The following PDE8A variants were observed in gnomAD, a reference collection of about 807,000 sequenced individuals.
PDE8A encodes the protein high affinity cAMP-specific and IBMX-insensitive 3',5'-cyclic phosphodiesterase 8A.
PDE8A carries 59 observed loss-of-function variants against 105.0 expected under a neutral mutation model. The ratio of observed to expected loss-of-function variants is 0.56; its 90% CI spans 0.46 to 0.70. The LOEUF (loss-of-function observed/expected upper bound fraction) is 0.70. Ranked by LOEUF, PDE8A falls within the 30% of genes least tolerant of loss-of-function variation. The pLI is 0.00. For missense variants in PDE8A, 1,014 were observed against 1,045.9 expected (o/e 0.97, Z 0.42); for synonymous variants, 355 against 371.9 (o/e 0.95, Z 0.52).
chr15:85,029,604 A>G (rs1038401494), intron 1 of PDE8A, among the ~76,000 whole-genome samples: 8 of 152,148 alleles, frequency 5.3e-5, no homozygotes, highest in African/African-American at 1.7e-4. Context: ...ATTTGTATAT[A>G]TGTGGCGCTG....
chr15:85,117,810 G>A lies in PDE8A; in HGVS notation c.1705G>A (p.Ala569Thr). ...TTCTGCTGATGTGCTTCATGCCACT[G>A]CCTATTTTCTCTCCAAGGAGAGGAT... ...THSADVLHAT[A>T]YFLSKERIKE... The change falls in exon 17 of 22, where the codon GCC (alanine) becomes ACC (threonine). Residue 569 changes from alanine (A) to threonine (T), a missense_variant. Physicochemically the swap from Ala to Thr is moderately conservative, Grantham distance 58. Transcript: ENST00000394553. 6.2e-7 allele frequency: 1 copy of A among 1,613,928 alleles called. No individual in the cohort carries two copies. Among genetic ancestry groups the A allele is most frequent in the Non-Finnish European group, 8.5e-7 (1 of 1,179,842 alleles).
intron 3 of PDE8A, among the ~76,000 whole-genome samples, chr15:85,068,003 GC>G (rs2141461787): frequency 6.6e-6 from 1 of 151,822 alleles, no homozygotes; most frequent in East Asian, 1.9e-4. Flanking sequence ...GTTTCAATCT[GC>G]ATGACTTCAC....
chr15:85,129,907 C>T (rs2082307337), intron 20 of PDE8A, among the ~76,000 whole-genome samples: 1 of 152,122 alleles, frequency 6.6e-6, no homozygotes, highest in African/African-American at 2.4e-5. Context: ...TTTCTAATTT[C>T]CCTTATGATT....
intron 1 of PDE8A, among the ~76,000 whole-genome samples, chr15:84,998,888 A>T (rs371662519): frequency 6.6e-6 from 1 of 152,210 alleles, no homozygotes; most frequent in Non-Finnish European, 1.5e-5. Flanking sequence ...TATGGAGATA[A>T]TTGATAGTTG....
At chr15:85,080,843 T>C (rs953759630) in intron 5 of PDE8A, among the ~76,000 whole-genome samples, 1 of 152,144 alleles carries the variant, frequency 6.6e-6, no homozygotes, top group Non-Finnish European at 1.5e-5. Context: ...TGGAACCACT[T>C]TTAGGTGCAC....
At chr15:85,046,857 C>T (rs761196231) in intron 1 of PDE8A, among the ~76,000 whole-genome samples, 9 of 152,134 alleles carry the variant, frequency 5.9e-5, no homozygotes, top group African/African-American at 1.2e-4. Flanking sequence ...GTTAGGCAAA[C>T]GAAATCAAAA....
chr15:85,062,697 A>G (rs1293709411), intron 1 of PDE8A: 1 of 152,220 alleles, frequency 6.6e-6, no homozygotes, highest in Non-Finnish European at 1.5e-5. Flanking sequence ...GCTGCCCACC[A>G]TGGGCCTGGG....
At chr15:85,108,810 C>T (rs905003924) in intron 11 of PDE8A, among the ~76,000 whole-genome samples, 1 of 152,072 alleles carries the variant, frequency 6.6e-6, no homozygotes, top group Admixed American at 6.5e-5. Context: ...TGTCTTGGGA[C>T]TCTGTAATTA....
intron 6 of PDE8A, among the ~76,000 whole-genome samples, chr15:85,086,674 C>A (rs1214056024): frequency 6.6e-6 from 1 of 152,188 alleles, no homozygotes; most frequent in Non-Finnish European, 1.5e-5. Flanking sequence ...CCCAGTAGGG[C>A]TTCTCACAGA....
chr15:85,001,410 A>C (rs2080065927), intron 1 of PDE8A, among the ~76,000 whole-genome samples: 1 of 152,212 alleles, frequency 6.6e-6, no homozygotes, highest in African/African-American at 2.4e-5. Context: ...GATATGATAA[A>C]GGGTTCCAAC....
At chr15:85,065,832 T>G (rs1264185763) in intron 2 of PDE8A, among the ~76,000 whole-genome samples, 1 of 152,196 alleles carries the variant, frequency 6.6e-6, no homozygotes, top group East Asian at 1.9e-4. Flanking sequence ...GGAGGCTGGC[T>G]GGATAAGGAA....
intron 8 of PDE8A, among the ~76,000 whole-genome samples, chr15:85,095,886 T>A (rs1278825863): frequency 1.3e-5 from 2 of 148,870 alleles, no homozygotes; most frequent in Non-Finnish European, 3.0e-5. Context: ...TTTTTTTATA[T>A]ATATATTTTT....
intron 20 of PDE8A, among the ~76,000 whole-genome samples, chr15:85,133,239 G>A (rs1342374107): frequency 6.6e-6 from 1 of 152,126 alleles, no homozygotes; most frequent in African/African-American, 2.4e-5. Context: ...ATGATCTGTT[G>A]TTGGTCTCCG....
intron 14 of PDE8A, chr15:85,115,131 T>C (rs749449015): frequency 3.4e-5 from 12 of 358,092 alleles, no homozygotes; most frequent in Non-Finnish European, 6.0e-5. Flanking sequence ...CAAGCAAGAA[T>C]GCTGGGCTTA....
chr15:85,135,981 A>G (rs1008069178), intron 20 of PDE8A, among the ~76,000 whole-genome samples: 6 of 152,086 alleles, frequency 3.9e-5, no homozygotes, highest in Admixed American at 3.9e-4. Flanking sequence ...CTGTGTGGGG[A>G]TGCTTCAAGC....
intron 1 of PDE8A, among the ~76,000 whole-genome samples, chr15:85,061,725 A>G (rs1258910838): frequency 1.3e-5 from 2 of 152,030 alleles, no homozygotes; most frequent in African/African-American, 4.8e-5. Flanking sequence ...GACTCCCGTG[A>G]TGCATATATT....
intron 19 of PDE8A, among the ~76,000 whole-genome samples, chr15:85,123,630 A>T (rs1050881363): frequency 6.6e-6 from 1 of 152,066 alleles, no homozygotes; most frequent in Non-Finnish European, 1.5e-5. Context: ...TGCCCACCAG[A>T]TTAAGGGTGG....
At chr15:85,091,333 C>A in intron 8 of PDE8A, 152 bp downstream of exon 8, 1 of 589,892 alleles carries the variant, frequency 1.7e-6, no homozygotes, top group Non-Finnish European at 2.7e-6. Flanking sequence ...ATCCATTTTG[C>A]AGGTGAGGAA....
intron 11 of PDE8A, among the ~76,000 whole-genome samples, chr15:85,107,437 G>A (rs1231508288): frequency 6.6e-6 from 1 of 152,208 alleles, no homozygotes; most frequent in Non-Finnish European, 1.5e-5. Context: ...CAGAGAATAA[G>A]TTGAAAGGGA....
Sources: allele counts gnomAD v4.1 joint callset (sites outside exome capture counted in the v4.1 genomes callset), GRCh38; gene constraint gnomAD v4.1.1; transcripts MANE v1.5; gene names NCBI Gene and HGNC (gene_info 2026-07-23, HGNC 2026-07-21).